Variants in LRRC72 observed in about 807,000 individuals in gnomAD.
LRRC72 encodes the protein leucine-rich repeat-containing protein 72.
A neutral mutation model predicts 35.8 loss-of-function variants in LRRC72; 41 were observed. The ratio of observed to expected loss-of-function variants is 1.15; its 90% confidence interval spans 0.89 to 1.49. The LOEUF (loss-of-function observed/expected upper bound fraction) is 1.49. Among genes scored for constraint, LRRC72 ranks in the 40% most tolerant of loss-of-function variants. The pLI, the probability that LRRC72 is intolerant of heterozygous loss-of-function variation, is 0.00. For synonymous variants in LRRC72, 118 were observed against 119.2 expected, an observed-to-expected ratio of 0.99 and a Z score of 0.07; for missense variants, 389 against 330.7, an observed-to-expected ratio of 1.18 and a Z score of -1.37.
In LRRC72 at chr7:16,567,409, G is replaced by A. The variant is rs1042304517; in HGVS notation, c.536G>A (p.Arg179Lys). The change falls in exon 7 of 9, where the codon AGA (arginine) becomes AAA (lysine). Residue 179 changes from arginine (R) to lysine (K), a missense_variant. Physicochemically the swap from Arg to Lys is conservative, Grantham distance 26. Coordinates refer to ENST00000401542, the MANE Select transcript of LRRC72 (RefSeq NM_001195280.2). ...TTATCAGAAGTTACAGAAAAAGAAA[G>A]AAGATCAATGATTACCATTTTTAAC... ...LDRNQVTEKERRSMITIFNHK... is the reference protein window; with the variant it reads ...LDRNQVTEKEKRSMITIFNHK... 6.7e-7 allele frequency: 1 copy of A among 1,492,142 alleles called. No homozygotes were observed. The highest frequency in any genetic ancestry group is 1.4e-5 in the African/African-American group (1 of 70,296). 92.4% of individuals were successfully genotyped at this position (1,492,142 alleles called of 1,614,324 possible).
At position 16,581,421 on chromosome 7, in the gene LRRC72, C is replaced by T. The variant is rs1340286075; in HGVS notation, c.796C>T (p.Arg266Ter). 4.5e-5 allele frequency: 70 copies of T among 1,549,844 alleles called. No homozygotes were observed. The highest frequency in any genetic ancestry group is 5.3e-5 in the Non-Finnish European group (61 of 1,146,688). Residue 266 changes from arginine to a stop codon, truncating the protein, a stop_gained, in exon 9 of 9, where the codon CGA becomes TGA. Transcript: ENST00000401542. LOFTEE classifies it high-confidence loss of function. ...TSMNWDTVPTREERYLEEEGT... is the reference protein window; with the variant it reads ...TSMNWDTVPT ...TATGAACTGGGACACAGTTCCAACA[C>T]GAGAGGAAAGGTACCTTGAAGAGGA...
At chr7:16,579,052 G>C (rs1783094811) in intron 7 of LRRC72, among the ~76,000 whole-genome samples, 1 of 152,136 alleles carries the variant, frequency 6.6e-6, no homozygotes, top group African/African-American at 2.4e-5. Context: ...TATATGATGT[G>C]ACTATAGTTA....
chr7:16,539,773 C>A (rs368830951), intron 3 of LRRC72, among the ~76,000 whole-genome samples: 1 of 152,230 alleles, frequency 6.6e-6, no homozygotes, highest in Non-Finnish European at 1.5e-5. Context: ...AGGGTGCAAA[C>A]CCCAAGCCTT....
chr7:16,567,642 A>G, intron 7 of LRRC72, 99 bp downstream of exon 7: 2 of 1,003,578 alleles, frequency 2.0e-6, no homozygotes, highest in East Asian at 2.9e-5. Flanking sequence ...ACAATTTACA[A>G]TAAACTTAAG....
Position 16,567,373 on chromosome 7 carries a change from A to C in LRRC72, c.518-18A>C, listed in dbSNP as rs1402320940. Reference sequence around the variant, plus strand: ...ATTTATAATGTTATGCAATAACATTACTTTTTGCATTTATCAGAAGTTACA... The same window carrying C: ...ATTTATAATGTTATGCAATAACATTCCTTTTTGCATTTATCAGAAGTTACA... On this transcript the variant is annotated intron_variant, in intron 6 of 8. Transcript: ENST00000401542. The C allele has an allele frequency of 2.1e-6, 3 of 1,421,654 alleles. No individual in the cohort carries two copies. The highest frequency in any genetic ancestry group is 2.8e-6 in the Non-Finnish European group (3 of 1,070,102). 88.1% of individuals were successfully genotyped at this position (1,421,654 alleles called of 1,614,324 possible).
intron 8 of LRRC72, among the ~76,000 whole-genome samples, 156 bp downstream of exon 8, chr7:16,580,257 G>T (rs759421621): frequency 6.6e-6 from 1 of 152,156 alleles, no homozygotes; most frequent in Non-Finnish European, 1.5e-5. Flanking sequence ...TGTGATAAAT[G>T]AGTTCAAGCT....
intron 7 of LRRC72, among the ~76,000 whole-genome samples, chr7:16,577,909 A>G (rs1263329327): frequency 2.0e-5 from 3 of 152,202 alleles, no homozygotes; most frequent in Non-Finnish European, 2.9e-5. Context: ...AGCACAATTC[A>G]TGTTATTGAT....
In LRRC72 at chr7:16,558,320, T is replaced by C. The variant is rs553486163; in HGVS notation, c.317-569T>C. 4.6e-5 allele frequency among the ~76,000 whole-genome samples: 7 copies of C among 152,216 alleles called. No individual in the cohort carries two copies. In the South Asian group the frequency reaches 1.5e-3, roughly 32 times the overall value. The stretch of plus-strand genomic sequence containing the variant: ...AAAATCATTGCTACATTTTAAAAAG[T>C]AAAACAGGCCGGGCGCGGTGGCTCA... On this transcript the variant is annotated intron_variant, in intron 4 of 8. Transcript: ENST00000401542.
At chr7:16,533,533 G>C (rs796127783) in intron 2 of LRRC72, among the ~76,000 whole-genome samples, 111 of 152,140 alleles carry the variant, frequency 7.3e-4, no homozygotes, top group African/African-American at 2.4e-3. Context: ...AAATAGGCTT[G>C]ACGTATTTTT....
At chr7:16,528,434 A>G (rs909907812) in intron 1 of LRRC72, among the ~76,000 whole-genome samples, 1 of 152,070 alleles carries the variant, frequency 6.6e-6, no homozygotes, top group Non-Finnish European at 1.5e-5. Flanking sequence ...TCTCAGCTGC[A>G]TCTGTCTTCC....
intron 3 of LRRC72, among the ~76,000 whole-genome samples, chr7:16,556,951 G>A (rs965125940): frequency 7.2e-5 from 11 of 152,216 alleles, no homozygotes; most frequent in Admixed American, 2.0e-4. Flanking sequence ...AAATGGCCTC[G>A]GCATAATCTA....
intron 3 of LRRC72, among the ~76,000 whole-genome samples, chr7:16,555,181 C>T (rs147166621): frequency 4.6e-5 from 7 of 152,170 alleles, no homozygotes; most frequent in Non-Finnish European, 1.0e-4. Flanking sequence ...TAATGGTCTT[C>T]CAGGAGGAGT....
chr7:16,534,930 G>C (rs1782227407), intron 2 of LRRC72, among the ~76,000 whole-genome samples: 1 of 152,202 alleles, frequency 6.6e-6, no homozygotes, highest in Non-Finnish European at 1.5e-5. Flanking sequence ...AGACGTGGTG[G>C]CTTACGCCTA....
intron 3 of LRRC72, among the ~76,000 whole-genome samples, chr7:16,552,550 T>G (rs1782571428): frequency 6.6e-6 from 1 of 152,188 alleles, no homozygotes; most frequent in Non-Finnish European, 1.5e-5. Context: ...CGGTGTTGGA[T>G]CTTCTTTTTA....
intron 2 of LRRC72, among the ~76,000 whole-genome samples, chr7:16,533,044 C>A (rs775235271): frequency 2.6e-5 from 4 of 152,100 alleles, no homozygotes; most frequent in Non-Finnish European, 5.9e-5. Flanking sequence ...AATTATACTA[C>A]CTCATTCTCA....
At chr7:16,551,396 T>C (rs1371010066) in intron 3 of LRRC72, among the ~76,000 whole-genome samples, 1 of 152,180 alleles carries the variant, frequency 6.6e-6, no homozygotes, top group African/African-American at 2.4e-5. Context: ...TAAGCATCTT[T>C]TAGTATGCTA....
At chr7:16,555,862 C>A (rs905139817) in intron 3 of LRRC72, among the ~76,000 whole-genome samples, 1 of 152,112 alleles carries the variant, frequency 6.6e-6, no homozygotes, top group African/African-American at 2.4e-5. Context: ...TTCTTGTATA[C>A]ATAAAGTACT....
At chr7:16,546,219 T>G (rs906941397) in intron 3 of LRRC72, among the ~76,000 whole-genome samples, 3 of 152,218 alleles carry the variant, frequency 2.0e-5, no homozygotes, top group African/African-American at 7.2e-5. Flanking sequence ...AATAACATAC[T>G]GTTTTAGTTA....
At chr7:16,557,224 A>C in intron 3 of LRRC72, 136 bp from the exon 4 acceptor site, 1 of 246,326 alleles carries the variant, frequency 4.1e-6, no homozygotes, top group Non-Finnish European at 8.0e-6. Context: ...GGTCACAAAT[A>C]AGAATAGCAG....
Sources: gnomAD v4.1 joint callset for allele counts (sites outside exome capture counted in the v4.1 genomes callset) on GRCh38, gnomAD v4.1.1 for gene constraint, MANE v1.5 for transcripts, NCBI Gene and HGNC (gene_info 2026-07-23, HGNC 2026-07-21) for gene names.